Variants in AFF4 observed in about 807,000 individuals in gnomAD.
AFF4 encodes AF4/FMR2 family member 4.
In AFF4, 13 loss-of-function variants were observed where a neutral mutation model predicts 124.8. The ratio of observed to expected loss-of-function variants is 0.10; its 90% CI spans 0.07 to 0.17. The LOEUF is 0.17. Ranked by LOEUF, AFF4 falls within the 10% of genes least tolerant of loss-of-function variation. The pLI, the probability that AFF4 is intolerant of heterozygous loss-of-function variation, is 1.00. For synonymous variants in AFF4, 477 were observed against 496.1 expected, an observed-to-expected ratio of 0.96 and a Z score of 0.51; for missense variants, 1,092 against 1,403.8, an observed-to-expected ratio of 0.78 and a Z score of 3.55.
At chr5:132,921,673 G>T (rs1188047223) in intron 5 of AFF4, among the ~76,000 whole-genome samples, 1 of 151,102 alleles carries the variant, frequency 6.6e-6, no homozygotes, top group Non-Finnish European at 1.5e-5. Context: ...CTCCATGTTG[G>T]TCAGGCTGGT....
chr5:132,919,074 G>A (rs1265912916), intron 5 of AFF4, among the ~76,000 whole-genome samples: 2 of 152,022 alleles, frequency 1.3e-5, no homozygotes, highest in Non-Finnish European at 2.9e-5. Flanking sequence ...TTTTAGTAGA[G>A]ACGGGGTTTC....
At chr5:132,904,228 G>GAAAAA in intron 6 of AFF4, 140 bp downstream of exon 6, 3 of 524,730 alleles carry the variant, frequency 5.7e-6, no homozygotes, top group Admixed American at 5.2e-5. Context: ...CTACACTCCA[G>GAAAAA]AAAAAAAAAA....
rs1000860073 is a variant in AFF4, at chr5:132,892,183, C to T, written c.2618G>A (p.Ser873Asn). ...CTTTACCTTAACCTCCTTGGAGCTACTGGAAGTCTTCCCTTCGGTCTTCTT... is the reference window on the plus strand; with the variant it reads ...CTTTACCTTAACCTCCTTGGAGCTATTGGAAGTCTTCCCTTCGGTCTTCTT... The part of the protein sequence containing the change: ...KQKKTEGKTS[S>N]SSKEVKEKAP... Residue 873 changes from serine (S) to asparagine (N), a missense_variant, in exon 13 of 21, where the codon AGT becomes AAT. Ser to Asn is a conservative substitution (Grantham distance 46). This residue lies in a region of AFF4 where 293 missense variants were observed against 280.2 expected (regional missense o/e 1.05). Coordinates refer to ENST00000265343, the MANE Select transcript of AFF4 (RefSeq NM_014423.4). The T allele has an allele frequency of 3.0e-5, 48 of 1,614,040 alleles. No individual in the cohort carries two copies. The highest frequency in any genetic ancestry group is 3.9e-5 in the Non-Finnish European group (46 of 1,180,038).
chr5:132,904,228 G>GAAAAAAAAAAA, intron 6 of AFF4, 140 bp downstream of exon 6: 1 of 524,738 alleles, frequency 1.9e-6, no homozygotes. Flanking sequence ...CTACACTCCA[G>GAAAAAAAAAAA]AAAAAAAAAA....
chr5:132,931,722 G>A (rs10076773), intron 4 of AFF4, among the ~76,000 whole-genome samples: 57,084 of 152,158 alleles, frequency 0.38, 11,398 homozygotes, highest in East Asian at 0.59. Context: ...CTGGGAGGCC[G>A]AAGCAGGTGG....
intron 1 of AFF4, among the ~76,000 whole-genome samples, chr5:132,944,668 C>T (rs923036758): frequency 2.0e-5 from 3 of 151,532 alleles, no homozygotes; most frequent in Admixed American, 6.6e-5. Context: ...AATTGGCTCA[C>T]GCCCGTAATC....
At chr5:132,946,554 T>G in intron 1 of AFF4, among the ~76,000 whole-genome samples, 1 of 152,194 alleles carries the variant, frequency 6.6e-6, no homozygotes, top group East Asian at 1.9e-4. Context: ...TGAAACGTTA[T>G]GCTATGTGAA....
chr5:132,879,474 C>G lies in AFF4; in HGVS notation c.*1585G>C, dbSNP rs555455577. The G allele has an allele frequency of 4.9e-6, 1 of 202,418 alleles. No individual in the cohort carries two copies. The highest frequency in any genetic ancestry group is 2.3e-5 in the African/African-American group (1 of 43,628). The allele number at this position is 202,418 out of a possible 1,614,324, so 12.5% of individuals were successfully genotyped here. A position where few individuals can be genotyped will look rare whatever the true frequency, so the allele number is the denominator to read the frequency against. ...ACTAAGTCATGTACCAAAGCAATAG[C>G]TTTTCTGAAAGAACTAATCTTTATA... On this transcript the variant is annotated 3_prime_UTR_variant, in exon 21 of 21. Transcript: ENST00000265343.
rs73788216 is a variant in AFF4 at position 132,880,068 on chromosome 5, G to A, written c.*991C>T. The A allele has an allele frequency of 6.8e-3, 2,689 of 396,050 alleles. 76 individuals are homozygous for A. The highest frequency in any genetic ancestry group is 0.051 in the African/African-American group (2,472 of 48,632). The allele number at this position is 396,050 out of a possible 1,614,324, so 24.5% of individuals were successfully genotyped here. A position where few individuals can be genotyped will look rare whatever the true frequency, so the allele number is the denominator to read the frequency against. ...AATCCAGTATGAGGGGGAAAAATCT[G>A]AAAAATAACTCTAACTATCAAAGAT... On this transcript the variant is annotated 3_prime_UTR_variant, in exon 21 of 21. Coordinates refer to ENST00000265343, the MANE Select transcript of AFF4 (RefSeq NM_014423.4).
intron 5 of AFF4, among the ~76,000 whole-genome samples, chr5:132,912,477 C>T (rs142473225): frequency 3.4e-4 from 51 of 152,142 alleles, no homozygotes; most frequent in African/African-American, 1.2e-3. Flanking sequence ...TTTCCCACCT[C>T]GGCCTCCTGA....
chr5:132,887,692 A>C, intron 16 of AFF4, 100 bp from the exon 17 acceptor site: 1 of 1,515,432 alleles, frequency 6.6e-7, no homozygotes. Flanking sequence ...AACCTAAATA[A>C]AAGCAAAAAT....
intron 5 of AFF4, among the ~76,000 whole-genome samples, chr5:132,915,833 G>A (rs1256272074): frequency 1.3e-5 from 2 of 151,782 alleles, no homozygotes; most frequent in African/African-American, 4.8e-5. Flanking sequence ...TTACAGAAGT[G>A]AGCCACTACG....
At chr5:132,916,175 G>C (rs1342563287) in intron 5 of AFF4, among the ~76,000 whole-genome samples, 2 of 142,180 alleles carry the variant, frequency 1.4e-5, no homozygotes, top group African/African-American at 5.2e-5. Flanking sequence ...GGAAGCGGAG[G>C]TTGCAATGAG....
chr5:132,877,960 C>T lies in AFF4; in HGVS notation c.*3099G>A, dbSNP rs1183931989. The T allele has an allele frequency of 4.4e-6, 1 of 225,144 alleles. No homozygotes were observed. Among genetic ancestry groups the T allele is most frequent in the East Asian group, 6.4e-5 (1 of 15,554 alleles). The allele number at this position is 225,144 out of a possible 1,614,324, so 13.9% of individuals were successfully genotyped here. ...CCAGAAACACAGGTGTCTGTGGGCT[C>T]ACGCACACTGCTCTCAATTGTTTTT... On this transcript the variant is annotated 3_prime_UTR_variant, in exon 21 of 21. Transcript: ENST00000265343.
Position 132,902,636 on chromosome 5 carries a change from A to T in AFF4, c.1088-149T>A. 9.2e-6 allele frequency: 6 copies of T among 652,876 alleles called. No homozygotes were observed. The South Asian group carries it at 1.1e-4, about 12-fold the overall frequency. The allele number at this position is 652,876 out of a possible 1,614,324, so 40.4% of individuals were successfully genotyped here. A position where few individuals can be genotyped will look rare whatever the true frequency, so the allele number is the denominator to read the frequency against. On this transcript the variant is annotated intron_variant, in intron 6 of 20. Transcript: ENST00000265343. ...TGGTAACACCTTCAAGCCCAATAATATGAGATACTGGTGACTACAGGGGAA... is the reference window on the plus strand; with the variant it reads ...TGGTAACACCTTCAAGCCCAATAATTTGAGATACTGGTGACTACAGGGGAA...
chr5:132,896,201 G>A lies in AFF4; in HGVS notation c.2307+122C>T. On this transcript the variant is annotated intron_variant, in intron 11 of 20. Transcript: ENST00000265343. ...CACATGTAGCCTCGCCTGGGCCTTG[G>A]GTTTACCCACTATTTTCCTTCACAG... is the stretch of plus-strand genomic sequence containing the variant. 2.5e-6 allele frequency: 3 copies of A among 1,205,686 alleles called. No individual in the cohort carries two copies. In the East Asian group the frequency reaches 7.1e-5, roughly 28 times the overall value. 74.7% of individuals were successfully genotyped at this position (1,205,686 alleles called of 1,614,324 possible). A position where few individuals can be genotyped will look rare whatever the true frequency, so the allele number is the denominator to read the frequency against.
Position 132,892,198 on chromosome 5 carries a change from TC to T in AFF4, c.2602del (p.Glu868LysfsTer58). The T allele has an allele frequency of 6.2e-7, 1 of 1,614,116 alleles. No individual in the cohort carries two copies. The highest frequency in any genetic ancestry group is 8.5e-7 in the Non-Finnish European group (1 of 1,180,018). ...SSSTSKQKKTEGKTSSSSKEV... is the reference protein window; with the variant it reads ...SSSTSKQKKTXGKTSSSSKEV... ...CTTGGAGCTACTGGAAGTCTTCCCT[TC>T]GGTCTTCTTCTGCTTTGATGTGGAG... is the stretch of plus-strand genomic sequence containing the variant. On this transcript the variant is annotated frameshift_variant, in exon 13 of 21. Transcript: ENST00000265343. LOFTEE classifies it high-confidence loss of function.
chr5:132,898,282 CT>C lies in AFF4; in HGVS notation c.1336del (p.Ser446ValfsTer33), dbSNP rs761257141. On this transcript the variant is annotated frameshift_variant, in exon 10 of 21. Coordinates refer to ENST00000265343, the MANE Select transcript of AFF4 (RefSeq NM_014423.4). LOFTEE classifies it high-confidence loss of function. ...SSSGSDSESE[S>X]SSSDSEANEP... ...ATTTGCCTCACTGTCACTGGAACTA[CT>C]TTCACTCTCTGAGTCAGATCCAGAG... 6.2e-7 allele frequency: 1 copy of C among 1,614,202 alleles called. No homozygotes were observed. The highest frequency in any genetic ancestry group is 1.3e-5 in the African/African-American group (1 of 75,044).
At chr5:132,883,783 A>C (rs1203075517) in intron 19 of AFF4, among the ~76,000 whole-genome samples, 1 of 152,228 alleles carries the variant, frequency 6.6e-6, no homozygotes, top group Non-Finnish European at 1.5e-5. Flanking sequence ...GAATAACAAC[A>C]AAACAAGAGA....
Sources: gnomAD v4.1 joint callset for allele counts (sites outside exome capture counted in the v4.1 genomes callset) on GRCh38, gnomAD v4.1.1 for gene constraint, gnomAD v4.1.1 regional missense constraint, MANE v1.5 for transcripts, NCBI Gene and HGNC (gene_info 2026-07-23, HGNC 2026-07-21) for gene names.